Variants in SFMBT2 observed in about 807,000 individuals in gnomAD.
SFMBT2 encodes the protein Scm like with four mbt domains 2, also known as scm-like with four MBT domains protein 2.
In SFMBT2, 38 loss-of-function variants were observed where a neutral mutation model predicts 110.1. The observed-to-expected ratio is 0.35, with a 90% confidence interval of 0.27 to 0.45. SFMBT2 has a LOEUF of 0.45. Ranked by LOEUF, SFMBT2 falls within the 20% of genes least tolerant of loss-of-function variation. The pLI is 1.00. For synonymous variants in SFMBT2, 425 were observed against 425.4 expected, an observed-to-expected ratio of 1.00 and a Z score of 0.01; for missense variants, 1,011 against 1,094.9, an observed-to-expected ratio of 0.92 and a Z score of 1.08.
intron 1 of SFMBT2, among the ~76,000 whole-genome samples, chr10:7,400,232 G>A (rs968471373): frequency 6.6e-6 from 1 of 152,230 alleles, no homozygotes; most frequent in Non-Finnish European, 1.5e-5. Flanking sequence ...GCGGTAGAGG[G>A]AGGAAGAGGG....
At chr10:7,164,768 CA>C (rs1236140570) in intron 20 of SFMBT2, among the ~76,000 whole-genome samples, 2 of 151,134 alleles carry the variant, frequency 1.3e-5, no homozygotes, top group Admixed American at 6.6e-5. Context: ...CACACACACA[CA>C]CACACACACA....
rs1837544188 is a variant in SFMBT2, at chr10:7,161,278, A to G, written c.*2492T>C. 6.6e-6 allele frequency: 1 copy of G among 152,228 alleles called. No homozygotes were observed. The highest frequency in any genetic ancestry group is 6.6e-5 in the Admixed American group (1 of 15,260). 9.4% of individuals were successfully genotyped at this position (152,228 alleles called of 1,614,324 possible). A position where few individuals can be genotyped will look rare whatever the true frequency, so the allele number is the denominator to read the frequency against. On this transcript the variant is annotated 3_prime_UTR_variant, in exon 21 of 21. Transcript: ENST00000397167. ...CACCTCCTCCTCCGTGCTACCACTG[A>G]AAAGGGAGACAGAAGTGACATTTGT...
rs541492283 is a variant in SFMBT2, at chr10:7,256,962, G to A, written c.871-8313C>T. On this transcript the variant is annotated intron_variant, in intron 7 of 20. Coordinates refer to ENST00000397167, the MANE Select transcript of SFMBT2 (RefSeq NM_001387889.1). ...TAAAAATTAGCTGGGCGTGGCGGTG[G>A]GCGCCTGTAATCCCAGCTACTGCGG... 3.9e-5 allele frequency among the ~76,000 whole-genome samples: 6 copies of A among 152,004 alleles called. No individual in the cohort carries two copies. The South Asian group carries it at 1.2e-3, about 32-fold the overall frequency.
rs1182956526 is a variant in SFMBT2 at position 7,349,446 on chromosome 10, T to C, written c.436+18203A>G. Among the ~76,000 whole-genome samples, 725 of 116,440 alleles carry C rather than the reference T, an allele frequency of 6.2e-3. 2 individuals carry two copies. Among genetic ancestry groups the C allele is most frequent in the Non-Finnish European group, 0.01 (589 of 56,136 alleles). 76.4% of individuals were successfully genotyped at this position (116,440 alleles called of 152,430 possible). A position where few individuals can be genotyped will look rare whatever the true frequency, so the allele number is the denominator to read the frequency against. On this transcript the variant is annotated intron_variant, in intron 4 of 20. Transcript: ENST00000397167. ...CTCTTTTTTCTTTTCTTTTCTTTTT[T>C]TTTTTTTTTTTTTTTTTTTTGCGGG...
At chr10:7,198,555 C>A (rs923053595) in intron 14 of SFMBT2, among the ~76,000 whole-genome samples, 1 of 152,192 alleles carries the variant, frequency 6.6e-6, no homozygotes, top group Admixed American at 6.5e-5. Context: ...AGTCCTACAT[C>A]TACCCCAACA....
intron 20 of SFMBT2, 198 bp from the exon 21 acceptor site, chr10:7,164,108 C>T (rs539306592): frequency 2.0e-6 from 2 of 985,376 alleles, no homozygotes; most frequent in African/African-American, 1.7e-5. Flanking sequence ...TTTTTGTAGC[C>T]GGGCACAGTG....
chr10:7,310,919 C>G (rs769055784), intron 4 of SFMBT2, among the ~76,000 whole-genome samples: 1 of 151,820 alleles, frequency 6.6e-6, no homozygotes, highest in Non-Finnish European at 1.5e-5. Flanking sequence ...TGGTGGCGGA[C>G]GCCTGTAATC....
In SFMBT2 at chr10:7,408,694, C is replaced by T. The variant is rs1488729927; in HGVS notation, c.-52+2167G>A. On this transcript the variant is annotated intron_variant, in intron 1 of 20. Transcript: ENST00000397167. This position sits in a 1 kb window ranked among gnomAD's most constrained non-coding sequence, Gnocchi z 5.7. ...GGCGACCCCTGTCGGGAACCCTGTTCCCGGCTAAGCTGCGTTCCCGCATTC... is the reference window on the plus strand; with the variant it reads ...GGCGACCCCTGTCGGGAACCCTGTTTCCGGCTAAGCTGCGTTCCCGCATTC... 4 of 152,388 alleles carry T rather than the reference C, an allele frequency of 2.6e-5. No individual in the cohort carries two copies. The East Asian group carries it at 7.7e-4, about 29-fold the overall frequency. The allele number at this position is 152,388 out of a possible 1,614,324, so 9.4% of individuals were successfully genotyped here.
chr10:7,264,464 G>C (rs1170853174), intron 7 of SFMBT2, among the ~76,000 whole-genome samples: 7 of 152,164 alleles, frequency 4.6e-5, no homozygotes, highest in Non-Finnish European at 1.5e-5. Context: ...TCTGTTCTGA[G>C]TCCAGATGCA....
chr10:7,334,990 A>C (rs1013033305), intron 4 of SFMBT2, among the ~76,000 whole-genome samples: 2 of 152,224 alleles, frequency 1.3e-5, no homozygotes, highest in Non-Finnish European at 2.9e-5. Flanking sequence ...CGGGAGCATA[A>C]ATCACCAGGA....
intron 4 of SFMBT2, among the ~76,000 whole-genome samples, chr10:7,325,283 C>T (rs745380699): frequency 3.3e-5 from 5 of 152,118 alleles, no homozygotes; most frequent in Admixed American, 1.3e-4. Context: ...GCCCCACTTT[C>T]AAACACAGCC....
chr10:7,194,222 C>T (rs1564376466), intron 15 of SFMBT2, among the ~76,000 whole-genome samples: 1 of 152,160 alleles, frequency 6.6e-6, no homozygotes. Context: ...CTCCCAGGTC[C>T]CCTACCTCCC....
At chr10:7,263,388 G>A (rs1001407264) in intron 7 of SFMBT2, among the ~76,000 whole-genome samples, 4 of 152,074 alleles carry the variant, frequency 2.6e-5, no homozygotes, top group South Asian at 2.1e-4. Context: ...CTACAGGCAC[G>A]TGCCACTAAT....
chr10:7,311,725 T>C (rs942774619), intron 4 of SFMBT2, among the ~76,000 whole-genome samples: 2 of 152,240 alleles, frequency 1.3e-5, no homozygotes, highest in African/African-American at 4.8e-5. Flanking sequence ...AATCAGATTA[T>C]GTAGATAAAA....
At chr10:7,307,552 T>G (rs1176636078) in intron 4 of SFMBT2, among the ~76,000 whole-genome samples, 1 of 152,232 alleles carries the variant, frequency 6.6e-6, no homozygotes, top group Non-Finnish European at 1.5e-5. Context: ...TGGTTAGAAC[T>G]GGCTCCATAC....
chr10:7,389,413 C>A (rs1430292752), intron 1 of SFMBT2, among the ~76,000 whole-genome samples: 1 of 152,134 alleles, frequency 6.6e-6, no homozygotes, highest in African/African-American at 2.4e-5. Flanking sequence ...TACGTAATTT[C>A]AAGAACAAAG....
At chr10:7,348,230 G>T in intron 4 of SFMBT2, 1 of 1,441,246 alleles carries the variant, frequency 6.9e-7, no homozygotes. Flanking sequence ...GTTCGTGTGG[G>T]ATCGGGGAGT....
At chr10:7,397,449 C>T (rs1845957028) in intron 1 of SFMBT2, among the ~76,000 whole-genome samples, 1 of 151,898 alleles carries the variant, frequency 6.6e-6, no homozygotes, top group African/African-American at 2.4e-5. Context: ...AAGCGAAAAG[C>T]TTGTGAAATT....
intron 16 of SFMBT2, among the ~76,000 whole-genome samples, chr10:7,177,471 C>T (rs767119584): frequency 8.5e-5 from 13 of 152,090 alleles, no homozygotes; most frequent in Non-Finnish European, 1.5e-4. Context: ...CCATAACCCC[C>T]GATAGGACTG....
Sources: allele counts gnomAD v4.1 joint callset (sites outside exome capture counted in the v4.1 genomes callset), GRCh38; gene constraint gnomAD v4.1.1; non-coding constraint Gnocchi (gnomAD v3.1); transcripts MANE v1.5; gene names NCBI Gene and HGNC (gene_info 2026-07-23, HGNC 2026-07-21).